TG: variants seen among roughly 807,000 people sequenced by gnomAD.
TG encodes the protein thyroglobulin, also known as thyroid hormones.
A neutral mutation model predicts 324.7 loss-of-function variants in TG; 270 were observed. The observed-to-expected ratio is 0.83, with a 90% CI of 0.75 to 0.92. The LOEUF (loss-of-function observed/expected upper bound fraction) is 0.92, where lower values mean the gene tolerates loss of function less well. Ranked by LOEUF, TG falls within the 40% of genes least tolerant of loss-of-function variation. TG has a pLI of 0.00. For missense variants in TG, 3,591 were observed against 3,456.4 expected, an observed-to-expected ratio of 1.04 and a Z score of -0.98; for synonymous variants, 1,401 against 1,327.0, an observed-to-expected ratio of 1.06 and a Z score of -1.21.
chr8:133,094,482 C>A, intron 41 of TG: 1 of 176,120 alleles, frequency 5.7e-6, no homozygotes, highest in Non-Finnish European at 1.2e-5. Context: ...CCTTGTGATC[C>A]GCCCACCTCA....
At chr8:132,892,951 G>C (rs533746544) in intron 10 of TG, among the ~76,000 whole-genome samples, 3 of 149,226 alleles carry the variant, frequency 2.0e-5, no homozygotes, top group African/African-American at 7.4e-5. Flanking sequence ...GTGTATGCAT[G>C]TGTGTGTACT....
chr8:132,960,962 G>A (rs1198657375), intron 27 of TG, 46 bp from the exon 28 acceptor site: 1 of 1,587,578 alleles, frequency 6.3e-7, no homozygotes, highest in South Asian at 1.1e-5. Flanking sequence ...TGGGTACCCA[G>A]TGACAGCACA....
At chr8:133,009,822 G>A (rs886707804) in intron 35 of TG, among the ~76,000 whole-genome samples, 1 of 151,178 alleles carries the variant, frequency 6.6e-6, no homozygotes, top group Admixed American at 6.6e-5. Flanking sequence ...TTGGCCCCCC[G>A]CTTTCAAACT....
At chr8:132,990,205 C>T (rs1832140364) in intron 35 of TG, among the ~76,000 whole-genome samples, 2 of 147,398 alleles carry the variant, frequency 1.4e-5, no homozygotes, top group South Asian at 4.3e-4. Flanking sequence ...GTATACACAC[C>T]CATGTATACA....
At chr8:132,966,462 CTCTCTGTGTGTG>C (rs1828575419) in intron 29 of TG, 86 bp from the exon 30 acceptor site, 3 of 1,362,514 alleles carry the variant, frequency 2.2e-6, no homozygotes, top group African/African-American at 1.5e-5. Context: ...CTCTGTCTCT[CTCTCTGTGTGTG>C]TGTGTGTGTG....
At chr8:133,029,756 A>T in intron 40 of TG, 65 bp from the exon 41 acceptor site, 1 of 1,602,732 alleles carries the variant, frequency 6.2e-7, no homozygotes, top group Non-Finnish European at 8.5e-7. Flanking sequence ...CATAGACAGC[A>T]CCATGATTTT....
intron 41 of TG, among the ~76,000 whole-genome samples, chr8:133,066,715 C>T (rs1235791474): frequency 6.6e-6 from 1 of 152,200 alleles, no homozygotes; most frequent in Non-Finnish European, 1.5e-5. Context: ...CAAGTTAGTT[C>T]ACTTCTCTGA....
Position 132,888,085 on chromosome 8 carries a change from A to G in TG, c.2278A>G (p.Ile760Val). ...SMLPTLSDTYIPQCSTDGQWR... is the reference protein window; with the variant it reads ...SMLPTLSDTYVPQCSTDGQWR... Reference sequence around the variant, plus strand: ...GCTACCCACCCTTTCCGACACCTACATCCCACAGTGCAGCACCGATGGGCA... The same window carrying G: ...GCTACCCACCCTTTCCGACACCTACGTCCCACAGTGCAGCACCGATGGGCA... Residue 760 changes from isoleucine (I) to valine (V), a missense_variant, in exon 10 of 48, where the codon ATC becomes GTC. By Grantham distance (29) the Ile-to-Val change is conservative (BLOSUM62 3). Coordinates refer to ENST00000220616, the MANE Select transcript of TG (RefSeq NM_003235.5). 6.2e-7 allele frequency: 1 copy of G among 1,614,044 alleles called. No individual in the cohort carries two copies. Among genetic ancestry groups the G allele is most frequent in the Non-Finnish European group, 8.5e-7 (1 of 1,180,012 alleles).
Position 132,967,896 on chromosome 8 carries a change from A to T in TG, c.5789A>T (p.Asp1930Val). Residue 1930 changes from aspartate (D) to valine (V), a missense_variant, in exon 31 of 48, where the codon GAC (aspartate) becomes GTC (valine). Asp to Val is a radical substitution (Grantham distance 152). Coordinates refer to ENST00000220616, the MANE Select transcript of TG (RefSeq NM_003235.5). The stretch of plus-strand genomic sequence containing the variant: ...TACCCAGAGGCACAGGTGTGTGATG[A>T]CATCATGGAGTCCAATGCCCAGGGC... ...TLYPEAQVCD[D>V]IMESNAQGCR... 6.2e-7 allele frequency: 1 copy of T among 1,614,034 alleles called. No individual in the cohort carries two copies. Among genetic ancestry groups the T allele is most frequent in the Non-Finnish European group, 8.5e-7 (1 of 1,179,960 alleles).
intron 41 of TG, among the ~76,000 whole-genome samples, chr8:133,079,137 G>T (rs553199503): frequency 2.6e-5 from 4 of 152,142 alleles, no homozygotes; most frequent in Admixed American, 6.5e-5. Context: ...CCCCACCAAG[G>T]ACGTCAAGTG....
intron 45 of TG, among the ~76,000 whole-genome samples, chr8:133,124,171 A>G (rs1851351715): frequency 6.6e-6 from 1 of 152,114 alleles, no homozygotes. Flanking sequence ...CCAGCTGTGG[A>G]GTTCATGGTT....
intron 22 of TG, among the ~76,000 whole-genome samples, chr8:132,928,273 T>C (rs546979103): frequency 6.6e-6 from 1 of 152,328 alleles, no homozygotes; most frequent in South Asian, 2.1e-4. Context: ...TGTTTATAAT[T>C]ATGTTTGCAA....
rs1187811554 is a variant in TG at position 133,067,827 on chromosome 8, G to GGA, written c.7240-27204_7240-27203dup. Among the ~76,000 whole-genome samples, 7 of 146,824 alleles carry GGA rather than the reference G, an allele frequency of 4.8e-5. No homozygotes were observed. The East Asian group carries it at 6.0e-4, about 13-fold the overall frequency. On this transcript the variant is annotated intron_variant, in intron 41 of 47. Transcript: ENST00000220616. ...AAGAAAGAAAGGAAGGAAGGAAGGG[G>GGA]GAGAGAGAGAGAGACAGAGAGAGAG...
At chr8:133,130,791 G>A (rs1851883093) in intron 45 of TG, among the ~76,000 whole-genome samples, 1 of 152,180 alleles carries the variant, frequency 6.6e-6, no homozygotes, top group Non-Finnish European at 1.5e-5. Flanking sequence ...TCTTAGGGCA[G>A]CAATAGAGAA....
chr8:132,903,318 T>C (rs1373898411), intron 16 of TG, among the ~76,000 whole-genome samples: 3 of 152,208 alleles, frequency 2.0e-5, no homozygotes, highest in African/African-American at 7.2e-5. Flanking sequence ...CTTGCTCTTC[T>C]GACGCCACCG....
Position 132,887,036 on chromosome 8 carries a change from A to T in TG, c.1664A>T (p.Glu555Val). Residue 555 changes from glutamate to valine, a missense_variant, in exon 9 of 48, where the codon GAA becomes GTA. Glu to Val is a moderately radical substitution (Grantham distance 121). Transcript: ENST00000220616. ...NKPTVGSFGF[E>V]INLQENQNAL... Reference sequence around the variant, plus strand: ...CCAACTGTGGGCAGCTTTGGCTTTGAAATTAACCTACAAGAGAACCAAAAT... The same window carrying T: ...CCAACTGTGGGCAGCTTTGGCTTTGTAATTAACCTACAAGAGAACCAAAAT... The T allele has an allele frequency of 6.2e-7, 1 of 1,614,194 alleles. No homozygotes were observed. Among genetic ancestry groups the T allele is most frequent in the African/African-American group, 1.3e-5 (1 of 75,046 alleles).
intron 35 of TG, among the ~76,000 whole-genome samples, chr8:133,009,121 A>G (rs897273385): frequency 2.6e-5 from 4 of 152,206 alleles, no homozygotes; most frequent in African/African-American, 7.2e-5. Context: ...CTTTAATTAT[A>G]GTGCTTTCTC....
chr8:132,984,561 G>T (rs1831289168), intron 35 of TG, among the ~76,000 whole-genome samples: 1 of 152,180 alleles, frequency 6.6e-6, no homozygotes, highest in Admixed American at 6.5e-5. Flanking sequence ...GTGCTAGCCA[G>T]ATTTTGGTCA....
intron 40 of TG, among the ~76,000 whole-genome samples, chr8:133,022,828 C>A (rs1835681669): frequency 6.6e-6 from 1 of 152,160 alleles, no homozygotes; most frequent in South Asian, 2.1e-4. Flanking sequence ...AGTCACTGAC[C>A]TAGGAATCTG....
Sources: gnomAD v4.1 joint callset for allele counts (sites outside exome capture counted in the v4.1 genomes callset) on GRCh38, gnomAD v4.1.1 for gene constraint, MANE v1.5 for transcripts, NCBI Gene and HGNC (gene_info 2026-07-23, HGNC 2026-07-21) for gene names.